The following TNRC6B variants were observed in gnomAD, a reference collection of about 807,000 sequenced individuals.
TNRC6B encodes the protein trinucleotide repeat containing adaptor 6B, also known as trinucleotide repeat-containing gene 6B protein.
TNRC6B carries 52 observed loss-of-function variants against 203.6 expected under a neutral mutation model. That is an observed-to-expected ratio of 0.26 (90% CI 0.20 to 0.32). The LOEUF (loss-of-function observed/expected upper bound fraction) is 0.32, where lower values mean the gene tolerates loss of function less well. TNRC6B is among the 10% of genes least tolerant of loss of function. The pLI, the probability that TNRC6B is intolerant of heterozygous loss-of-function variation, is 1.00. For synonymous variants in TNRC6B, 838 were observed against 845.7 expected (o/e 0.99, Z 0.16); for missense variants, 1,923 against 2,286.2 (o/e 0.84, Z 3.24).
chr22:40,157,452 C>T (rs1352879961), intron 4 of TNRC6B, among the ~76,000 whole-genome samples: 1 of 152,046 alleles, frequency 6.6e-6, no homozygotes, highest in Admixed American at 6.6e-5. Flanking sequence ...TATGCTGCCA[C>T]GAGGCCAGAT....
At chr22:40,241,925 C>G (rs892789608) in intron 1 of TNRC6B, among the ~76,000 whole-genome samples, 3 of 152,200 alleles carry the variant, frequency 2.0e-5, no homozygotes, top group Non-Finnish European at 4.4e-5. Context: ...TGTAGGAGCA[C>G]TTCAAACTGT....
chr22:40,122,090 TGCCAC>T (rs2068451862), intron 2 of TNRC6B, among the ~76,000 whole-genome samples: 1 of 152,214 alleles, frequency 6.6e-6, no homozygotes, highest in Non-Finnish European at 1.5e-5. Flanking sequence ...AAAATTTTGG[TGCCAC>T]GCACCAGAAG....
intron 12 of TNRC6B, among the ~76,000 whole-genome samples, chr22:40,288,637 A>G (rs1370750358): frequency 6.6e-6 from 1 of 151,726 alleles, no homozygotes; most frequent in African/African-American, 2.4e-5. Flanking sequence ...CCGCCTCCCA[A>G]GTTCAAGTGA....
At chr22:40,207,190 A>T (rs1400056029) in intron 1 of TNRC6B, among the ~76,000 whole-genome samples, 1 of 152,166 alleles carries the variant, frequency 6.6e-6, no homozygotes, top group Non-Finnish European at 1.5e-5. Context: ...ATATGAAAAA[A>T]ATTATTTCTA....
At position 40,171,231 on chromosome 22, in the gene TNRC6B, G is replaced by A. The variant is rs187856330; in HGVS notation, c.113+15049G>A. On this transcript the variant is annotated intron_variant, in intron 4 of 23. Coordinates refer to the TNRC6B transcript ENST00000301923. The stretch of plus-strand genomic sequence containing the variant: ...GGCTGGAGTGCAGTGGCGCAATCTC[G>A]GCTCACTGCAACCTCCGCTTCCCGG... Among the ~76,000 whole-genome samples, 12 of 143,076 alleles carry A rather than the reference G, an allele frequency of 8.4e-5. 1 individual carries two copies. The South Asian group carries it at 2.2e-3, about 26-fold the overall frequency. 93.9% of individuals were successfully genotyped at this position (143,076 alleles called of 152,430 possible). A position where few individuals can be genotyped will look rare whatever the true frequency, so the allele number is the denominator to read the frequency against.
chr22:40,201,298 G>T (rs1199529506), intron 1 of TNRC6B, among the ~76,000 whole-genome samples: 1 of 152,158 alleles, frequency 6.6e-6, no homozygotes, highest in African/African-American at 2.4e-5. Context: ...ACATGTCTCT[G>T]AAAGTCTGTG....
At chr22:40,173,789 ATATATTTTTTTTT>A (rs2069027827), upstream of TNRC6B, among the ~76,000 whole-genome samples, 2 of 43,080 alleles carry the variant, frequency 4.6e-5, no homozygotes, top group Non-Finnish European at 8.3e-5. Context: ...ATATATATAT[ATATATTTTTTTTT>A]TTTTTTTTTT....
rs1042657127 is a variant in TNRC6B, at chr22:40,334,066, A to T, written c.*10825A>T. On this transcript the variant is annotated 3_prime_UTR_variant, in exon 23 of 23. Coordinates refer to ENST00000454349, the MANE Select transcript of TNRC6B (RefSeq NM_001162501.2). Reference sequence around the variant, plus strand: ...TGGGCACTGTTCACCTTGGAATTTTATTTATTTTGTTTATCTGGAGGCCCT... The same window carrying T: ...TGGGCACTGTTCACCTTGGAATTTTTTTTATTTTGTTTATCTGGAGGCCCT... 1.3e-5 allele frequency: 2 copies of T among 152,444 alleles called. No individual in the cohort carries two copies. The highest frequency in any genetic ancestry group is 1.3e-4 in the Admixed American group (2 of 15,248). The allele number at this position is 152,444 out of a possible 1,614,324, so 9.4% of individuals were successfully genotyped here.
intron 1 of TNRC6B, among the ~76,000 whole-genome samples, chr22:40,241,084 G>T (rs2070022231): frequency 6.6e-6 from 1 of 152,142 alleles, no homozygotes; most frequent in Admixed American, 6.5e-5. Context: ...ATTGACCTGG[G>T]GTACTGCCTG....
intron 3 of TNRC6B, among the ~76,000 whole-genome samples, chr22:40,148,160 G>T (rs2068711274): frequency 6.6e-6 from 1 of 152,060 alleles, no homozygotes; most frequent in African/African-American, 2.4e-5. Flanking sequence ...ACCATGATTA[G>T]AATTGGCTAA....
chr22:40,182,317 T>C (rs1240949637), intron 1 of TNRC6B, among the ~76,000 whole-genome samples: 1 of 152,198 alleles, frequency 6.6e-6, no homozygotes, highest in Non-Finnish European at 1.5e-5. Context: ...TATTTAGATA[T>C]TAGACTTCTT....
intron 12 of TNRC6B, among the ~76,000 whole-genome samples, chr22:40,287,975 G>A (rs965009316): frequency 1.3e-5 from 2 of 152,222 alleles, no homozygotes; most frequent in Non-Finnish European, 2.9e-5. Flanking sequence ...CAGATTAAAA[G>A]TGCCTTCTAA....
chr22:40,293,946 G>C (rs1008133738), intron 12 of TNRC6B, among the ~76,000 whole-genome samples: 3 of 128,566 alleles, frequency 2.3e-5, no homozygotes, highest in Non-Finnish European at 3.4e-5. Flanking sequence ...GCTCTACCTA[G>C]AAAAAAAAAA....
chr22:40,237,117 A>G (rs1293067089), intron 1 of TNRC6B, among the ~76,000 whole-genome samples: 1 of 152,212 alleles, frequency 6.6e-6, no homozygotes, highest in Non-Finnish European at 1.5e-5. Flanking sequence ...GTGAGCTGAG[A>G]TTGTGCCACT....
At chr22:40,092,118 T>A (rs1034754828) in intron 1 of TNRC6B, among the ~76,000 whole-genome samples, 3 of 152,142 alleles carry the variant, frequency 2.0e-5, no homozygotes, top group Admixed American at 6.5e-5. Flanking sequence ...TGATCAGATT[T>A]GAGGCCAGGC....
chr22:40,071,555 A>G (rs994104982), intron 1 of TNRC6B, among the ~76,000 whole-genome samples: 1 of 152,114 alleles, frequency 6.6e-6, no homozygotes, highest in East Asian at 1.9e-4. Context: ...ATAACATGAA[A>G]CTCCAAATGG....
At chr22:40,275,881 C>G (rs2051513086) in intron 7 of TNRC6B, among the ~76,000 whole-genome samples, 2 of 151,950 alleles carry the variant, frequency 1.3e-5, no homozygotes, top group Non-Finnish European at 2.9e-5. Context: ...ATTGCTTGAA[C>G]CCAGGAGGTA....
In TNRC6B at chr22:40,232,934, G is replaced by A. The variant is rs546031428; in HGVS notation, c.6-13081G>A. On this transcript the variant is annotated intron_variant, in intron 1 of 22. Coordinates refer to ENST00000454349, the MANE Select transcript of TNRC6B (RefSeq NM_001162501.2). ...TAGGAGGCTGAGGCGGGCAGAACAC[G>A]AGATCAGGAGATCAAGACCATCCTG... is the stretch of plus-strand genomic sequence containing the variant. 2.4e-4 allele frequency among the ~76,000 whole-genome samples: 36 copies of A among 152,042 alleles called. No homozygotes were observed. In the South Asian group the frequency reaches 7.3e-3, roughly 31 times the overall value.
Position 40,266,561 on chromosome 22 carries a change from G to A in TNRC6B, c.2331G>A (p.Gln777=). Residue 777 remains glutamine, a synonymous_variant, in exon 5 of 23, where the codon CAG becomes CAA. Coordinates refer to ENST00000454349, the MANE Select transcript of TNRC6B (RefSeq NM_001162501.2). ...TGTCTGGGTGGGGTGAAGGAGGGCA[G>A]AATGAAATCGGGACTTGGGGTAATG... ...KPVSGWGEGG[Q]NEIGTWGNGG... The A allele has an allele frequency of 6.2e-7, 1 of 1,613,668 alleles. No individual in the cohort carries two copies. The highest frequency in any genetic ancestry group is 8.5e-7 in the Non-Finnish European group (1 of 1,179,728).
Sources: gnomAD v4.1 joint callset for allele counts (sites outside exome capture counted in the v4.1 genomes callset) on GRCh38, gnomAD v4.1.1 for gene constraint, MANE v1.5 for transcripts, NCBI Gene and HGNC (gene_info 2026-07-23, HGNC 2026-07-21) for gene names.